Variants in RNF43 observed in about 807,000 individuals in gnomAD.
RNF43 encodes the protein ring finger protein 43, also known as E3 ubiquitin-protein ligase RNF43.
Under a neutral mutation model 78.4 loss-of-function variants are expected in RNF43, and 37 were observed. The ratio of observed to expected loss-of-function variants is 0.47; its 90% CI spans 0.36 to 0.62. The LOEUF (loss-of-function observed/expected upper bound fraction) is 0.62. RNF43 is among the 20% of genes least tolerant of loss of function. The probability of loss-of-function intolerance (pLI) is 0.00; values close to 1 mark genes in which losing one functional copy is unlikely to be tolerated. For synonymous variants in RNF43, 347 were observed against 395.0 expected, an observed-to-expected ratio of 0.88 and a Z score of 1.44; for missense variants, 774 against 1,007.9, an observed-to-expected ratio of 0.77 and a Z score of 3.14.
intron 1 of RNF43, chr17:58,416,172 C>T (rs1248088640): frequency 6.3e-6 from 1 of 158,874 alleles, no homozygotes. Context: ...TCAGGCCACA[C>T]GTTGATGTCC....
intron 2 of RNF43, among the ~76,000 whole-genome samples, chr17:58,413,199 G>A (rs1598171421): frequency 6.6e-6 from 1 of 152,162 alleles, no homozygotes; most frequent in Non-Finnish European, 1.5e-5. Flanking sequence ...TGTAAACCAT[G>A]TGTCCCTAAC....
chr17:58,369,292 C>T (rs1029052803), intron 3 of RNF43, among the ~76,000 whole-genome samples: 2 of 152,238 alleles, frequency 1.3e-5, no homozygotes, highest in African/African-American at 2.4e-5. Flanking sequence ...CTCCCCAGCT[C>T]CTCCAAGTGC....
intron 2 of RNF43, among the ~76,000 whole-genome samples, chr17:58,406,794 T>C (rs888180488): frequency 1.3e-5 from 2 of 151,420 alleles, no homozygotes; most frequent in African/African-American, 4.8e-5. Context: ...AGTAGACTTA[T>C]AAGGCCTTTA....
At chr17:58,408,058 C>T (rs542534147) in intron 2 of RNF43, among the ~76,000 whole-genome samples, 1 of 152,296 alleles carries the variant, frequency 6.6e-6, no homozygotes, top group African/African-American at 2.4e-5. Flanking sequence ...TAAGGTCAGG[C>T]CACTTTCTTA....
rs1470107096 is a variant in RNF43 at position 58,358,658 on chromosome 17, C to T, written c.1118G>A (p.Gly373Asp). Reference protein sequence around the residue: ...RSAVARPPRPGPFLPSQEPGM... With the variant: ...RSAVARPPRPDPFLPSQEPGM... ...TGGCTCCTGGGATGGCAGGAAGGGA[C>T]CAGGTCGTGGGGGCCGAGCCACTGC... Residue 373 changes from glycine to aspartate, a missense_variant, in exon 9 of 10, where the codon GGT (glycine) becomes GAT (aspartate). Coordinates refer to ENST00000407977, the MANE Select transcript of RNF43 (RefSeq NM_017763.6). This position sits in a 1 kb window ranked among gnomAD's most constrained non-coding sequence, Gnocchi z 6.2. 6.5e-7 allele frequency: 1 copy of T among 1,526,878 alleles called. No homozygotes were observed. Among genetic ancestry groups the T allele is most frequent in the East Asian group, 2.4e-5 (1 of 41,888 alleles). 94.6% of individuals were successfully genotyped at this position (1,526,878 alleles called of 1,614,324 possible). A position where few individuals can be genotyped will look rare whatever the true frequency, so the allele number is the denominator to read the frequency against.
intron 3 of RNF43, among the ~76,000 whole-genome samples, chr17:58,366,239 C>T (rs560455261): frequency 2.6e-5 from 4 of 152,340 alleles, no homozygotes; most frequent in African/African-American, 7.2e-5. Flanking sequence ...CTATCCCCTC[C>T]ACCAACACAC....
chr17:58,380,268 A>T (rs1973285388), intron 2 of RNF43, among the ~76,000 whole-genome samples: 2 of 152,156 alleles, frequency 1.3e-5, no homozygotes, highest in Admixed American at 6.5e-5. Context: ...TTATCCAAAG[A>T]AGTCCTCTGC....
intron 3 of RNF43, among the ~76,000 whole-genome samples, chr17:58,366,521 T>C (rs1972955045): frequency 6.6e-6 from 1 of 152,184 alleles, no homozygotes; most frequent in South Asian, 2.1e-4. Flanking sequence ...AAAGGTGGGA[T>C]TCCTCTGGGC....
chr17:58,389,187 T>C (rs550523816), intron 2 of RNF43, among the ~76,000 whole-genome samples: 2 of 152,198 alleles, frequency 1.3e-5, no homozygotes, highest in African/African-American at 2.4e-5. Flanking sequence ...GCTTGAACTC[T>C]GGTAGTAATA....
chr17:58,416,469 C>T (rs1345287659), intron 1 of RNF43: 1 of 152,156 alleles, frequency 6.6e-6, no homozygotes, highest in Non-Finnish European at 1.5e-5. Context: ...TTTCCATCTC[C>T]ATTTTCTTTT....
chr17:58,382,657 G>A (rs1397287520), intron 2 of RNF43, among the ~76,000 whole-genome samples: 1 of 152,188 alleles, frequency 6.6e-6, no homozygotes, highest in Admixed American at 6.5e-5. Context: ...GTACTGCTGA[G>A]TTATGCATAA....
At chr17:58,364,006 G>C (rs1410837995) in intron 3 of RNF43, among the ~76,000 whole-genome samples, 1 of 152,188 alleles carries the variant, frequency 6.6e-6, no homozygotes, top group Middle Eastern at 3.2e-3. Context: ...AGAAGGAGAA[G>C]AGAGAGGAAG....
In RNF43 at chr17:58,357,912, G is replaced by A. The variant is rs2143397644; in HGVS notation, c.1864C>T (p.Pro622Ser). The stretch of plus-strand genomic sequence containing the variant: ...GAGGCGTCAACTGGGCCAGGGGCTG[G>A]CTCAGGGAGGGCCCTGGGGCACTGT... ...NPQCPRALPE[P>S]APGPVDASSI... Residue 622 changes from proline (P) to serine (S), a missense_variant, in exon 9 of 10, where the codon CCA becomes TCA. Pro to Ser is a moderately conservative substitution (Grantham distance 74). Coordinates refer to ENST00000407977, the MANE Select transcript of RNF43 (RefSeq NM_017763.6). This position sits in a 1 kb window ranked among gnomAD's most constrained non-coding sequence, Gnocchi z 4.5. The A allele has an allele frequency of 6.2e-7, 1 of 1,613,636 alleles. No homozygotes were observed. The highest frequency in any genetic ancestry group is 8.5e-7 in the Non-Finnish European group (1 of 1,179,790).
intron 2 of RNF43, among the ~76,000 whole-genome samples, chr17:58,414,428 T>TGTA (rs1974084734): frequency 6.6e-6 from 1 of 152,222 alleles, no homozygotes; most frequent in Non-Finnish European, 1.5e-5. Context: ...GAAGTGTTCT[T>TGTA]TTACATGATA....
intron 2 of RNF43, among the ~76,000 whole-genome samples, chr17:58,381,155 T>C (rs1973307575): frequency 6.6e-6 from 1 of 152,198 alleles, no homozygotes; most frequent in African/African-American, 2.4e-5. Context: ...ATAGGGGTAG[T>C]TGTACTCAGA....
chr17:58,372,064 T>C (rs1250099341), intron 2 of RNF43, among the ~76,000 whole-genome samples: 2 of 152,192 alleles, frequency 1.3e-5, no homozygotes, highest in Non-Finnish European at 2.9e-5. Context: ...AAGAGATTTC[T>C]TATTAGAGAG....
At position 58,363,480 on chromosome 17, in the gene RNF43, T is replaced by C. The variant is rs1567876969; in HGVS notation, c.450+46A>G. The C allele has an allele frequency of 1.2e-6, 2 of 1,612,322 alleles. No individual in the cohort carries two copies. Among genetic ancestry groups the C allele is most frequent in the Admixed American group, 1.7e-5 (1 of 59,958 alleles). ...TCCCTCTCCCCTGAGAGCTTTATCT[T>C]CCTCCATCCAGCCCCCACCTTGAAC... is the stretch of plus-strand genomic sequence containing the variant. On this transcript the variant is annotated intron_variant, in intron 4 of 9. Coordinates refer to ENST00000407977, the MANE Select transcript of RNF43 (RefSeq NM_017763.6).
rs112762765 is a variant in RNF43 at position 58,403,751 on chromosome 17, C to T, written c.252+11575G>A. ...GATGCTTACATACTAGAGCTCTATC[C>T]CCCTCACCCCATGGGTGAACACCCA... is the stretch of plus-strand genomic sequence containing the variant. On this transcript the variant is annotated intron_variant, in intron 2 of 9. Transcript: ENST00000407977. Among the ~76,000 whole-genome samples, 10 of 152,286 alleles carry T rather than the reference C, an allele frequency of 6.6e-5. 1 individual carries two copies. The highest frequency in any genetic ancestry group is 2.4e-4 in the African/African-American group (10 of 41,568).
intron 2 of RNF43, among the ~76,000 whole-genome samples, chr17:58,373,399 C>T (rs765292487): frequency 2.0e-5 from 3 of 152,092 alleles, no homozygotes; most frequent in Non-Finnish European, 4.4e-5. Flanking sequence ...TGCCTGGTTC[C>T]GAATTAACAA....
Sources: allele counts gnomAD v4.1 joint callset (sites outside exome capture counted in the v4.1 genomes callset), GRCh38; gene constraint gnomAD v4.1.1; non-coding constraint Gnocchi (gnomAD v3.1); transcripts MANE v1.5; gene names NCBI Gene and HGNC (gene_info 2026-07-23, HGNC 2026-07-21).